Variants in CDHR2 observed in about 807,000 individuals in gnomAD.
CDHR2 encodes the protein cadherin related family member 2.
Under a neutral mutation model 138.6 loss-of-function variants are expected in CDHR2, and 104 were observed. The observed-to-expected ratio is 0.75, with a 90% confidence interval of 0.64 to 0.88. The LOEUF is 0.88. CDHR2 is among the 40% of genes least tolerant of loss of function. CDHR2 has a pLI of 0.00. For missense variants in CDHR2, 1,624 were observed against 1,727.6 expected (o/e 0.94, Z 1.06); for synonymous variants, 755 against 742.8 (o/e 1.02, Z -0.27).
In CDHR2 at chr5:176,568,991, T is replaced by C. The variant is rs137907731; in HGVS notation, c.296T>C (p.Val99Ala). ...TACACATTCAAAGTCACCATCTCCG[T>C]GAGCGACCCCTACATCCAGGTGAGT... Reference protein sequence around the residue: ...TLYTFKVTISVSDPYIQVQRE... With the variant: ...TLYTFKVTISASDPYIQVQRE... The change falls in exon 5 of 32, where the codon GTG becomes GCG. Residue 99 changes from valine to alanine, a missense_variant. This residue lies in a region of CDHR2 where 1,061 missense variants were observed against 1,136.6 expected (regional missense o/e 0.93). Coordinates refer to ENST00000261944, the MANE Select transcript of CDHR2 (RefSeq NM_017675.6). 6.6e-5 allele frequency: 106 copies of C among 1,614,000 alleles called. No homozygotes were observed. Among genetic ancestry groups the C allele is most frequent in the Non-Finnish European group, 8.9e-5 (105 of 1,180,014 alleles).
At chr5:176,589,739 GTCTT>G (rs1758796250) in intron 24 of CDHR2, 123 bp downstream of exon 24, 1 of 844,628 alleles carries the variant, frequency 1.2e-6, no homozygotes, top group African/African-American at 1.7e-5. Flanking sequence ...CCTTGTCCCT[GTCTT>G]CAACCCTGTA....
rs952851940 is a variant in CDHR2, at chr5:176,576,813, G to C, written c.1195-586G>C. On this transcript the variant is annotated intron_variant, in intron 12 of 31. Coordinates refer to ENST00000261944, the MANE Select transcript of CDHR2 (RefSeq NM_017675.6). This position sits in a 1 kb window ranked among gnomAD's most constrained non-coding sequence, Gnocchi z 4.5. ...GTTGGTCTTGAACTCCTGACCTCAA[G>C]TGATCCACCTACCTTGGCCTCCCAA... Among the ~76,000 whole-genome samples, 3 of 152,182 alleles carry C rather than the reference G, an allele frequency of 2.0e-5. No individual in the cohort carries two copies. Among genetic ancestry groups the C allele is most frequent in the African/African-American group, 2.4e-5 (1 of 41,456 alleles).
In CDHR2 at chr5:176,586,960, AAC is replaced by A. The variant is rs1758686387; in HGVS notation, c.2856+119_2856+120del. ...ATGGGCTCCAACACATGAAAAAGAA[AAC>A]CCCAGAAGGGAAACCAACACCTGTC... On this transcript the variant is annotated intron_variant, in intron 21 of 31. Coordinates refer to ENST00000261944, the MANE Select transcript of CDHR2 (RefSeq NM_017675.6). 22 of 812,752 alleles carry A rather than the reference AAC, an allele frequency of 2.7e-5. No individual in the cohort carries two copies. The South Asian group carries it at 3.0e-4, about 11-fold the overall frequency. 50.3% of individuals were successfully genotyped at this position (812,752 alleles called of 1,614,324 possible).
upstream of CDHR2, among the ~76,000 whole-genome samples, chr5:176,548,411 C>T (rs1284033414): frequency 6.6e-6 from 1 of 152,198 alleles, no homozygotes; most frequent in Non-Finnish European, 1.5e-5. Context: ...GTGGCTGAGC[C>T]CCTTCGGGAG....
Position 176,589,432 on chromosome 5 carries a change from C to T in CDHR2, c.3111C>T (p.Thr1037=). Residue 1037 remains threonine (T), a synonymous_variant, in exon 23 of 32, where the codon ACC becomes ACT. Transcript: ENST00000261944. ...GTCCTTTCCTGGAAGCCACCACCAC[C>T]CTGAATGTGAGTGCTGGTCCCACCT... The part of the protein sequence containing the change: ...SLGPFLEATT[T]LNLFTVDQSY... 6.2e-7 allele frequency: 1 copy of T among 1,602,520 alleles called. No individual in the cohort carries two copies. Among genetic ancestry groups the T allele is most frequent in the Non-Finnish European group, 8.5e-7 (1 of 1,172,732 alleles).
chr5:176,552,594 G>A (rs1020103161), intron 1 of CDHR2, among the ~76,000 whole-genome samples: 37 of 152,292 alleles, frequency 2.4e-4, no homozygotes, highest in Admixed American at 1.2e-3. Flanking sequence ...GGGGCAGGCC[G>A]TTATTGCGCC....
chr5:176,544,221 A>G (rs77634146), intron 1 of CDHR2, among the ~76,000 whole-genome samples: 14,098 of 152,290 alleles, frequency 0.093, 772 homozygotes, highest in East Asian at 0.17. Flanking sequence ...GTTTGTTGAC[A>G]GAACAGCCAC....
chr5:176,574,398 C>T (rs1758311204), intron 7 of CDHR2, among the ~76,000 whole-genome samples: 1 of 152,194 alleles, frequency 6.6e-6, no homozygotes, highest in Non-Finnish European at 1.5e-5. Flanking sequence ...TTCCTGCCCG[C>T]CTGCTCCCAG....
chr5:176,592,753 T>C lies in CDHR2; in HGVS notation c.3765T>C (p.Asp1255=). 1 of 1,613,846 alleles carries C rather than the reference T, an allele frequency of 6.2e-7. No homozygotes were observed. Among genetic ancestry groups the C allele is most frequent in the Non-Finnish European group, 8.5e-7 (1 of 1,179,856 alleles). ...ACTCCCTGGACGACAACTCTGTGGA[T>C]GTGGACAAGAACAGTCAGGAAATCA... is the stretch of plus-strand genomic sequence containing the variant. ...SVNSLDDNSV[D]VDKNSQEIKE... Residue 1255 remains aspartate (D), a synonymous_variant, in exon 31 of 32, where the codon GAT becomes GAC. Transcript: ENST00000261944.
rs749604911 is a variant in CDHR2, at chr5:176,568,687, C to G, written c.134C>G (p.Ala45Gly). 1 of 1,614,120 alleles carries G rather than the reference C, an allele frequency of 6.2e-7. No homozygotes were observed. Among genetic ancestry groups the G allele is most frequent in the Non-Finnish European group, 8.5e-7 (1 of 1,179,982 alleles). ...CCTGTCCCATCCCCAGGTGCCCAGGCCTTCTGGTTGGTAGCGGAAGACCAG... is the reference window on the plus strand; with the variant it reads ...CCTGTCCCATCCCCAGGTGCCCAGGGCTTCTGGTTGGTAGCGGAAGACCAG... Reference protein sequence around the residue: ...LPEDLPVGAQAFWLVAEDQDN... With the variant: ...LPEDLPVGAQGFWLVAEDQDN... Residue 45 changes from alanine to glycine, a missense_variant, in exon 4 of 32, where the codon GCC (alanine) becomes GGC (glycine). Around this residue, in one of 3 missense-constraint regions of CDHR2, gnomAD observed 1,061 missense variants for 1,136.6 expected, o/e 0.93. Transcript: ENST00000261944.
Position 176,575,516 on chromosome 5 carries a change from T to C in CDHR2, c.779T>C (p.Val260Ala), listed in dbSNP as rs752333727. 1.4e-5 allele frequency: 23 copies of C among 1,613,946 alleles called. No individual in the cohort carries two copies. The South Asian group carries it at 2.4e-4, about 17-fold the overall frequency. Reference protein sequence around the residue: ...VAEDAAKGTSVLTVEAVDGDK... With the variant: ...VAEDAAKGTSALTVEAVDGDK... ...CAGGCCCCATTCCAGGGAACCTCGG[T>C]GCTGACGGTGGAGGCTGTGGATGGC... Residue 260 changes from valine to alanine, a missense_variant, in exon 10 of 32, where the codon GTG becomes GCG. Val to Ala is a moderately conservative substitution (Grantham distance 64, BLOSUM62 0). Coordinates refer to ENST00000261944, the MANE Select transcript of CDHR2 (RefSeq NM_017675.6).
chr5:176,565,644 G>A (rs377082126), intron 2 of CDHR2, 28 bp from the exon 3 acceptor site: 215 of 1,605,536 alleles, frequency 1.3e-4, no homozygotes, highest in Non-Finnish European at 1.7e-4. Context: ...GGGGTGTCCC[G>A]ATGTTCCAGC....
intron 14 of CDHR2, 72 bp downstream of exon 14, chr5:176,577,870 G>GTA (rs1758433703): frequency 6.5e-7 from 1 of 1,550,010 alleles, no homozygotes. Flanking sequence ...GTGAGAGTGT[G>GTA]TGTGTGTGTA....
upstream of CDHR2, among the ~76,000 whole-genome samples, chr5:176,545,504 A>G (rs893391608): frequency 6.6e-6 from 1 of 152,144 alleles, no homozygotes. Flanking sequence ...CTGTGAAGGA[A>G]CCCTGATGTG....
Position 176,590,416 on chromosome 5 carries a change from T to C in CDHR2, c.3354-9T>C, listed in dbSNP as rs1365800920. On this transcript the variant is annotated splice_polypyrimidine_tract_variant and intron_variant, in intron 26 of 31. Coordinates refer to ENST00000261944, the MANE Select transcript of CDHR2 (RefSeq NM_017675.6). Reference sequence around the variant, plus strand: ...GGTCCCTCGGGCCTAAGTGGAGTTCTGTGGCCAGGATGATCCGGAATGATC... The same window carrying C: ...GGTCCCTCGGGCCTAAGTGGAGTTCCGTGGCCAGGATGATCCGGAATGATC... 2 of 1,614,048 alleles carry C rather than the reference T, an allele frequency of 1.2e-6. No homozygotes were observed. The highest frequency in any genetic ancestry group is 1.7e-6 in the Non-Finnish European group (2 of 1,180,014).
intron 16 of CDHR2, among the ~76,000 whole-genome samples, chr5:176,578,980 G>A (rs1758468658): frequency 6.6e-6 from 1 of 152,206 alleles, no homozygotes; most frequent in Admixed American, 6.5e-5. Context: ...ATTTGTTAAA[G>A]GGCACAAGGT....
In CDHR2 at chr5:176,576,873, A is replaced by G. The variant is rs1351602324; in HGVS notation, c.1195-526A>G. Among the ~76,000 whole-genome samples the G allele has an allele frequency of 6.6e-6, 1 of 152,122 alleles. No homozygotes were observed. Among genetic ancestry groups the G allele is most frequent in the Non-Finnish European group, 1.5e-5 (1 of 68,024 alleles). ...ATTGCAGGCGTGAGCCACCGCGCCC[A>G]GCCATGGGAGGCACTCTTAAGTGGA... is the stretch of plus-strand genomic sequence containing the variant. On this transcript the variant is annotated intron_variant, in intron 12 of 31. Coordinates refer to ENST00000261944, the MANE Select transcript of CDHR2 (RefSeq NM_017675.6). This position sits in a 1 kb window ranked among gnomAD's most constrained non-coding sequence, Gnocchi z 4.5.
At chr5:176,595,470 G>T in intron 31 of CDHR2, 62 bp from the exon 32 acceptor site, 1 of 1,484,308 alleles carries the variant, frequency 6.7e-7, no homozygotes. Flanking sequence ...CACTCCCCTA[G>T]GGCCTGGGGC....
intron 1 of CDHR2, among the ~76,000 whole-genome samples, chr5:176,559,451 G>C (rs1757918258): frequency 6.6e-6 from 1 of 151,952 alleles, no homozygotes; most frequent in Non-Finnish European, 1.5e-5. Flanking sequence ...CTTTGGCTTG[G>C]GTTTTCTTTT....
Sources: gnomAD v4.1 joint callset for allele counts (sites outside exome capture counted in the v4.1 genomes callset) on GRCh38, gnomAD v4.1.1 for gene constraint, gnomAD v4.1.1 regional missense constraint, Gnocchi (gnomAD v3.1) non-coding constraint, MANE v1.5 for transcripts, NCBI Gene and HGNC (gene_info 2026-07-23, HGNC 2026-07-21) for gene names.